CSGALNACT1: variants seen among roughly 807,000 people sequenced by gnomAD.
The protein encoded by CSGALNACT1 is chondroitin sulfate N-acetylgalactosaminyltransferase 1.
CSGALNACT1 carries 52 observed loss-of-function variants against 51.0 expected under a neutral mutation model. That is an observed-to-expected ratio of 1.02 (90% confidence interval 0.82 to 1.29). CSGALNACT1 has a LOEUF of 1.29. CSGALNACT1 is among the 50% of genes most tolerant of loss of function. CSGALNACT1 has a pLI of 0.00. For synonymous variants in CSGALNACT1, 341 were observed against 254.4 expected (o/e 1.34, Z -3.24); for missense variants, 935 against 679.2 (o/e 1.38, Z -4.19).
At chr8:19,644,582 C>T (rs576510577) in intron 1 of CSGALNACT1, among the ~76,000 whole-genome samples, 8 of 151,356 alleles carry the variant, frequency 5.3e-5, no homozygotes, top group African/African-American at 1.2e-4. Flanking sequence ...TAGTGGCATG[C>T]GCCTGTAATC....
intron 1 of CSGALNACT1, among the ~76,000 whole-genome samples, chr8:19,657,394 A>G (rs2058379547): frequency 6.6e-6 from 1 of 152,240 alleles, no homozygotes; most frequent in Non-Finnish European, 1.5e-5. Context: ...GCAAGATGTG[A>G]AGAAATAATG....
intron 1 of CSGALNACT1, among the ~76,000 whole-genome samples, chr8:19,616,673 C>T (rs1185626270): frequency 6.6e-6 from 1 of 151,338 alleles, no homozygotes; most frequent in Non-Finnish European, 1.5e-5. Flanking sequence ...TGTGGTACCT[C>T]CCCCCTCATT....
At chr8:19,745,184 G>T (rs10503664) in intron 1 of CSGALNACT1, among the ~76,000 whole-genome samples, 1 of 151,952 alleles carries the variant, frequency 6.6e-6, no homozygotes, top group African/African-American at 2.4e-5. Flanking sequence ...CTTCAAATAG[G>T]GTTTAGCACA....
chr8:19,588,449 G>A (rs1222058797), intron 3 of CSGALNACT1, among the ~76,000 whole-genome samples: 4 of 152,102 alleles, frequency 2.6e-5, no homozygotes, highest in Non-Finnish European at 4.4e-5. Flanking sequence ...AGCAAACTCA[G>A]AAAGAATTCA....
intron 4 of CSGALNACT1, among the ~76,000 whole-genome samples, chr8:19,474,965 A>G (rs1436464196): frequency 1.3e-5 from 2 of 152,054 alleles, no homozygotes; most frequent in African/African-American, 2.4e-5. Context: ...AGACCTTGCT[A>G]TGGAAAGGGC....
intron 3 of CSGALNACT1, among the ~76,000 whole-genome samples, chr8:19,520,972 G>T (rs983859939): frequency 6.6e-6 from 1 of 152,188 alleles, no homozygotes; most frequent in Non-Finnish European, 1.5e-5. Context: ...TCGCAGATGT[G>T]TGTTCACCAT....
intron 1 of CSGALNACT1, among the ~76,000 whole-genome samples, chr8:19,705,102 T>G (rs547581943): frequency 6.6e-6 from 1 of 152,332 alleles, no homozygotes; most frequent in Non-Finnish European, 1.5e-5. Context: ...AAAGGTACTA[T>G]GTGAGGTGAT....
At chr8:19,585,585 C>T (rs2046443993) in intron 3 of CSGALNACT1, among the ~76,000 whole-genome samples, 1 of 152,178 alleles carries the variant, frequency 6.6e-6, no homozygotes, top group Non-Finnish European at 1.5e-5. Context: ...TGATACACCC[C>T]TTTACTATCT....
At chr8:19,421,550 G>A (rs773958547) in intron 6 of CSGALNACT1, among the ~76,000 whole-genome samples, 9 of 151,896 alleles carry the variant, frequency 5.9e-5, no homozygotes, top group Non-Finnish European at 1.2e-4. Flanking sequence ...CACACTCCCC[G>A]TCCTACCAGC....
rs12674550 is a variant in CSGALNACT1 at position 19,712,086 on chromosome 8, C to T, written c.-297+45764G>A. Among the ~76,000 whole-genome samples, 24 of 152,196 alleles carry T rather than the reference C, an allele frequency of 1.6e-4. No individual in the cohort carries two copies. In the East Asian group the frequency reaches 4.1e-3, roughly 26 times the overall value. ...TGTCATCCAGGCTGGAGTGCAGTGG[C>T]GCGATCTCGGCTCACTGCAAGCTCC... On this transcript the variant is annotated intron_variant, in intron 1 of 1. Coordinates refer to the CSGALNACT1 transcript ENST00000517494.
chr8:19,533,756 A>C (rs1217401788), intron 3 of CSGALNACT1, among the ~76,000 whole-genome samples: 1 of 152,210 alleles, frequency 6.6e-6, no homozygotes, highest in East Asian at 1.9e-4. Context: ...TAATATACTG[A>C]TCATAATGCT....
intron 3 of CSGALNACT1, among the ~76,000 whole-genome samples, chr8:19,550,266 G>A (rs1310007211): frequency 2.0e-5 from 3 of 152,146 alleles, no homozygotes; most frequent in Admixed American, 6.5e-5. Context: ...GACAACAGAT[G>A]TACAGCACTG....
chr8:19,666,997 A>C (rs867600902), intron 1 of CSGALNACT1, among the ~76,000 whole-genome samples: 2 of 23,930 alleles, frequency 8.4e-5, no homozygotes, highest in African/African-American at 2.7e-4. Flanking sequence ...GAAAGAAAGA[A>C]AGAAAGAAAG....
chr8:19,618,793 C>T (rs1467177396), intron 1 of CSGALNACT1, among the ~76,000 whole-genome samples: 1 of 152,148 alleles, frequency 6.6e-6, no homozygotes, highest in Non-Finnish European at 1.5e-5. Context: ...GCACTTTCTC[C>T]AGGCACAGCT....
chr8:19,653,047 C>A (rs1201349730), intron 1 of CSGALNACT1, among the ~76,000 whole-genome samples: 1 of 152,112 alleles, frequency 6.6e-6, no homozygotes, highest in Non-Finnish European at 1.5e-5. Context: ...TAATGAAAAC[C>A]ATCAAAGTGA....
At chr8:19,601,199 C>T (rs538276014) in intron 2 of CSGALNACT1, among the ~76,000 whole-genome samples, 2 of 152,248 alleles carry the variant, frequency 1.3e-5, no homozygotes, top group Non-Finnish European at 2.9e-5. Context: ...CATTTGTCCC[C>T]GGACTAAAAC....
intron 6 of CSGALNACT1, among the ~76,000 whole-genome samples, chr8:19,435,956 C>G (rs565567561): frequency 2.0e-5 from 3 of 152,262 alleles, no homozygotes; most frequent in African/African-American, 7.2e-5. Context: ...GTGCTTCACT[C>G]TGATATTTTC....
At chr8:19,533,876 A>C (rs1162975334) in intron 3 of CSGALNACT1, among the ~76,000 whole-genome samples, 1 of 152,064 alleles carries the variant, frequency 6.6e-6, no homozygotes, top group Non-Finnish European at 1.5e-5. Context: ...AAAAGGGTCA[A>C]AATAATAAGA....
chr8:19,683,589 G>A (rs1229921326), upstream of CSGALNACT1, among the ~76,000 whole-genome samples: 3 of 151,986 alleles, frequency 2.0e-5, no homozygotes, highest in Non-Finnish European at 4.4e-5. Context: ...TTAAAAATTT[G>A]CCAAAAACAC....
Sources: gnomAD v4.1 joint callset for allele counts (sites outside exome capture counted in the v4.1 genomes callset) on GRCh38, gnomAD v4.1.1 for gene constraint, MANE v1.5 for transcripts, NCBI Gene and HGNC (gene_info 2026-07-23, HGNC 2026-07-21) for gene names.